Variants in CDA observed in about 807,000 individuals in gnomAD.
CDA encodes cytidine aminohydrolase.
Under a neutral mutation model 15.0 loss-of-function variants are expected in CDA, and 7 were observed. The ratio of observed to expected loss-of-function variants is 0.47; its 90% CI spans 0.26 to 0.87. The LOEUF is 0.87. Among genes scored for constraint, CDA ranks in the 40% least tolerant of loss-of-function variants. CDA has a pLI of 0.15. For missense variants in CDA, 159 were observed against 182.7 expected, an observed-to-expected ratio of 0.87 and a Z score of 0.75; for synonymous variants, 58 against 73.0, an observed-to-expected ratio of 0.79 and a Z score of 1.05.
chr1:20,599,473 C>T (rs773701398), intron 1 of CDA, among the ~76,000 whole-genome samples: 9 of 151,758 alleles, frequency 5.9e-5, no homozygotes, highest in Non-Finnish European at 8.8e-5. Context: ...AAAAATTAGC[C>T]GGGCGTGGTG....
chr1:20,600,759 A>G (rs1402456953), intron 1 of CDA, among the ~76,000 whole-genome samples: 1 of 151,452 alleles, frequency 6.6e-6, no homozygotes, highest in East Asian at 1.9e-4. Flanking sequence ...GTCTCAAAAA[A>G]AAAAAAAAAA....
intron 3 of CDA, among the ~76,000 whole-genome samples, chr1:20,614,637 T>C (rs1489904313): frequency 6.6e-6 from 1 of 151,848 alleles, no homozygotes; most frequent in East Asian, 1.9e-4. Flanking sequence ...AGGAAAAAAA[T>C]GAGACAGACA....
chr1:20,607,659 T>C (rs781356664), intron 2 of CDA, among the ~76,000 whole-genome samples: 19 of 152,332 alleles, frequency 1.2e-4, no homozygotes, highest in Non-Finnish European at 2.5e-4. Context: ...TAGCAATGAT[T>C]AGCAAATGTC....
At chr1:20,609,301 G>A (rs963741749) in intron 2 of CDA, among the ~76,000 whole-genome samples, 4 of 152,234 alleles carry the variant, frequency 2.6e-5, no homozygotes, top group South Asian at 4.1e-4. Context: ...TGCCTAACAC[G>A]GTGAAACCCC....
intron 1 of CDA, among the ~76,000 whole-genome samples, chr1:20,591,138 G>A (rs1421119583): frequency 6.6e-6 from 1 of 152,140 alleles, no homozygotes; most frequent in Non-Finnish European, 1.5e-5. Flanking sequence ...AGGAGATCGA[G>A]ACCATCCTGG....
chr1:20,600,127 G>C (rs75587745), intron 1 of CDA, among the ~76,000 whole-genome samples: 1,986 of 152,290 alleles, frequency 0.013, 49 homozygotes, highest in African/African-American at 0.045. Flanking sequence ...ACAAAGTAAA[G>C]GAAGATTTCT....
chr1:20,611,143 G>C (rs116273158), intron 2 of CDA, among the ~76,000 whole-genome samples: 17,135 of 152,248 alleles, frequency 0.11, 1,077 homozygotes, highest in East Asian at 0.18. Context: ...AGGAGGCTGA[G>C]GTAGGAGGAG....
At chr1:20,616,560 T>A (rs1201855004) in intron 3 of CDA, among the ~76,000 whole-genome samples, 1 of 152,086 alleles carries the variant, frequency 6.6e-6, no homozygotes, top group Non-Finnish European at 1.5e-5. Flanking sequence ...GAAGGTCATA[T>A]AAGGAAGCCA....
chr1:20,601,943 A>G (rs1191823600), intron 1 of CDA, among the ~76,000 whole-genome samples: 2 of 151,882 alleles, frequency 1.3e-5, no homozygotes, highest in Non-Finnish European at 2.9e-5. Flanking sequence ...GGCCTGGGCA[A>G]CCCCATCTCT....
chr1:20,604,514 CAT>C (rs2052675475), intron 1 of CDA, among the ~76,000 whole-genome samples: 1 of 152,178 alleles, frequency 6.6e-6, no homozygotes, highest in African/African-American at 2.4e-5. Context: ...AGGATTTCAA[CAT>C]ATGAATTTGA....
intron 1 of CDA, among the ~76,000 whole-genome samples, chr1:20,604,006 A>G (rs1360855998): frequency 6.6e-6 from 1 of 152,120 alleles, no homozygotes; most frequent in African/African-American, 2.4e-5. Flanking sequence ...AGTCTTGTGA[A>G]ATCACAGGCA....
chr1:20,604,672 G>A (rs2052676897), intron 1 of CDA, among the ~76,000 whole-genome samples: 1 of 152,114 alleles, frequency 6.6e-6, no homozygotes, highest in South Asian at 2.1e-4. Context: ...GTGCTGCCCT[G>A]CTCCCAGGCT....
chr1:20,608,189 T>C (rs2052711463), intron 2 of CDA, among the ~76,000 whole-genome samples: 1 of 152,094 alleles, frequency 6.6e-6, no homozygotes, highest in Non-Finnish European at 1.5e-5. Context: ...GCAGGAACGT[T>C]GAGTAAGTTA....
At chr1:20,612,363 C>G (rs943959953) in intron 2 of CDA, among the ~76,000 whole-genome samples, 3 of 152,120 alleles carry the variant, frequency 2.0e-5, no homozygotes, top group Admixed American at 1.3e-4. Context: ...TGGCCTGGAG[C>G]AACTGAAGAA....
intron 1 of CDA, among the ~76,000 whole-genome samples, chr1:20,603,038 T>C (rs1357861268): frequency 6.6e-6 from 1 of 152,198 alleles, no homozygotes; most frequent in East Asian, 1.9e-4. Flanking sequence ...ATTTCAGTGG[T>C]GGGTACCACG....
chr1:20,614,062 G>A (rs1423350487), intron 3 of CDA, among the ~76,000 whole-genome samples, 163 bp downstream of exon 3: 1 of 152,188 alleles, frequency 6.6e-6, no homozygotes, highest in African/African-American at 2.4e-5. Context: ...ACGCTTGCAT[G>A]AGTCACTGGA....
intron 1 of CDA, among the ~76,000 whole-genome samples, chr1:20,603,942 G>C (rs1429269874): frequency 6.6e-6 from 1 of 152,204 alleles, no homozygotes; most frequent in African/African-American, 2.4e-5. Flanking sequence ...CCCTTACTGA[G>C]AGCTGGGCCA....
chr1:20,612,835 CGGGA>C (rs1281955958), intron 2 of CDA, among the ~76,000 whole-genome samples: 1 of 148,568 alleles, frequency 6.7e-6, no homozygotes, highest in African/African-American at 2.5e-5. Context: ...CCCAGCTACT[CGGGA>C]GGTTGAGGCA....
intron 1 of CDA, among the ~76,000 whole-genome samples, chr1:20,591,245 GC>G (rs1290948149): frequency 6.6e-6 from 1 of 152,148 alleles, no homozygotes; most frequent in African/African-American, 2.4e-5. Flanking sequence ...GGAGGCTGAG[GC>G]AGGAGAATGG....
Sources: allele counts gnomAD v4.1 joint callset (sites outside exome capture counted in the v4.1 genomes callset), GRCh38; gene constraint gnomAD v4.1.1; transcripts MANE v1.5; gene names NCBI Gene and HGNC (gene_info 2026-07-23, HGNC 2026-07-21).